The following CACNG3 variants were observed in gnomAD, a reference collection of about 807,000 sequenced individuals.
CACNG3 encodes voltage-dependent calcium channel gamma-3 subunit.
CACNG3 carries 3 observed loss-of-function variants against 28.5 expected under a neutral mutation model. The ratio of observed to expected loss-of-function variants is 0.11; its 90% CI spans 0.05 to 0.27. CACNG3 has a LOEUF of 0.27. CACNG3 is among the 10% of genes least tolerant of loss of function. The pLI is 1.00. For missense variants in CACNG3, 236 were observed against 414.4 expected, an observed-to-expected ratio of 0.57 and a Z score of 3.74; for synonymous variants, 174 against 162.2, an observed-to-expected ratio of 1.07 and a Z score of -0.55.
chr16:24,343,510 C>T (rs1014486268), intron 1 of CACNG3, among the ~76,000 whole-genome samples: 3 of 152,138 alleles, frequency 2.0e-5, no homozygotes, highest in Non-Finnish European at 4.4e-5. Context: ...TGCCCAGGTG[C>T]CCCTGGGACA....
chr16:24,273,365 T>C (rs12927982), intron 1 of CACNG3, among the ~76,000 whole-genome samples: 36,544 of 152,142 alleles, frequency 0.24, 4,546 homozygotes, highest in South Asian at 0.35. Flanking sequence ...CTGTATTGAT[T>C]AGCTTTCTAA....
chr16:24,346,604 C>T, intron 1 of CACNG3, 130 bp from the exon 2 acceptor site: 1 of 642,396 alleles, frequency 1.6e-6, no homozygotes, highest in Non-Finnish European at 2.8e-6. Context: ...TGCTCTTGGG[C>T]CTACCAGCCC....
intron 1 of CACNG3, among the ~76,000 whole-genome samples, chr16:24,337,742 G>A (rs1311108211): frequency 6.6e-6 from 1 of 151,902 alleles, no homozygotes; most frequent in Non-Finnish European, 1.5e-5. Context: ...ATTCCTGCAT[G>A]TTTGGAAGCC....
At chr16:24,325,310 C>T (rs1899526464) in intron 1 of CACNG3, among the ~76,000 whole-genome samples, 1 of 152,188 alleles carries the variant, frequency 6.6e-6, no homozygotes, top group Admixed American at 6.5e-5. Flanking sequence ...GAGATGTTCT[C>T]ATTCCCTGGG....
intron 1 of CACNG3, among the ~76,000 whole-genome samples, chr16:24,291,100 T>G (rs1211290965): frequency 6.6e-6 from 1 of 152,180 alleles, no homozygotes; most frequent in Non-Finnish European, 1.5e-5. Flanking sequence ...CTGCTGTAAA[T>G]GGGCAAGATA....
intron 1 of CACNG3, among the ~76,000 whole-genome samples, chr16:24,317,126 T>C (rs1567217174): frequency 6.6e-6 from 1 of 152,178 alleles, no homozygotes; most frequent in Non-Finnish European, 1.5e-5. Flanking sequence ...ACACATCCCA[T>C]GTCTCAGGGG....
intron 1 of CACNG3, among the ~76,000 whole-genome samples, chr16:24,345,592 C>G (rs988081806): frequency 6.6e-6 from 1 of 152,032 alleles, no homozygotes. Flanking sequence ...CCCAGTTACT[C>G]GGGAGGCTGA....
intron 1 of CACNG3, among the ~76,000 whole-genome samples, chr16:24,301,115 G>A (rs1023306416): frequency 6.6e-6 from 1 of 151,216 alleles, no homozygotes; most frequent in Non-Finnish European, 1.5e-5. Context: ...AGAGGCTGAG[G>A]CATGAGAATC....
chr16:24,271,465 T>C (rs1279159341), intron 1 of CACNG3, among the ~76,000 whole-genome samples: 1 of 152,210 alleles, frequency 6.6e-6, no homozygotes, highest in African/African-American at 2.4e-5. Context: ...TCATTCTTGC[T>C]GGGCAGCCCC....
At chr16:24,332,872 C>T (rs545192359) in intron 1 of CACNG3, among the ~76,000 whole-genome samples, 1 of 152,228 alleles carries the variant, frequency 6.6e-6, no homozygotes, top group South Asian at 2.1e-4. Flanking sequence ...ATTGCCAGCT[C>T]TTGTCAACAC....
intron 1 of CACNG3, among the ~76,000 whole-genome samples, chr16:24,266,977 T>A (rs2141345608): frequency 1.3e-5 from 2 of 151,054 alleles, no homozygotes; most frequent in South Asian, 4.2e-4. Context: ...TCTTTTTTTT[T>A]TTTTTTTGAG....
intron 1 of CACNG3, among the ~76,000 whole-genome samples, chr16:24,326,584 G>T (rs1213098084): frequency 1.3e-5 from 2 of 152,206 alleles, no homozygotes; most frequent in East Asian, 3.8e-4. Context: ...GGTGAGACAT[G>T]TTGATTGGCC....
At chr16:24,297,559 T>G (rs1899048626) in intron 1 of CACNG3, among the ~76,000 whole-genome samples, 1 of 152,216 alleles carries the variant, frequency 6.6e-6, no homozygotes, top group Admixed American at 6.5e-5. Flanking sequence ...AAGTGTTTGT[T>G]GAGAACCTAC....
intron 1 of CACNG3, among the ~76,000 whole-genome samples, chr16:24,323,079 T>C (rs1384945477): frequency 6.6e-6 from 1 of 151,974 alleles, no homozygotes; most frequent in African/African-American, 2.4e-5. Context: ...CTTTTTAAAC[T>C]AGCTGTGCAT....
intron 1 of CACNG3, among the ~76,000 whole-genome samples, chr16:24,276,940 C>T (rs1167851285): frequency 1.3e-5 from 2 of 152,130 alleles, no homozygotes; most frequent in African/African-American, 4.8e-5. Flanking sequence ...ACCTTCTAAC[C>T]TATAATTAAA....
At chr16:24,303,923 A>G (rs764048941) in intron 1 of CACNG3, among the ~76,000 whole-genome samples, 20 of 152,060 alleles carry the variant, frequency 1.3e-4, no homozygotes, top group Non-Finnish European at 2.6e-4. Context: ...TAAATGAACA[A>G]AAGAATTAGG....
intron 1 of CACNG3, among the ~76,000 whole-genome samples, chr16:24,263,132 T>C (rs1350565127): frequency 6.6e-6 from 1 of 152,228 alleles, no homozygotes; most frequent in Non-Finnish European, 1.5e-5. Flanking sequence ...AAAATGCACA[T>C]AATTTTTTTG....
chr16:24,332,253 G>C (rs961960219), intron 1 of CACNG3, among the ~76,000 whole-genome samples: 3 of 152,160 alleles, frequency 2.0e-5, no homozygotes, highest in African/African-American at 7.2e-5. Flanking sequence ...ATTGAGGCCA[G>C]AAGTTTGAGA....
At chr16:24,285,189 C>CA in intron 1 of CACNG3, among the ~76,000 whole-genome samples, 1 of 152,178 alleles carries the variant, frequency 6.6e-6, no homozygotes, top group South Asian at 2.1e-4. Context: ...CGTGCAAAGC[C>CA]AAAAAATATG....
Sources: allele counts gnomAD v4.1 joint callset (sites outside exome capture counted in the v4.1 genomes callset), GRCh38; gene constraint gnomAD v4.1.1; transcripts MANE v1.5; gene names NCBI Gene and HGNC (gene_info 2026-07-23, HGNC 2026-07-21).